TRABD2B: variants seen among roughly 807,000 people sequenced by gnomAD.
The protein encoded by TRABD2B is TraB domain containing 2B, also known as metalloprotease TIKI2.
TRABD2B carries 14 observed loss-of-function variants against 40.1 expected under a neutral mutation model. The ratio of observed to expected loss-of-function variants is 0.35; its 90% CI spans 0.23 to 0.55. TRABD2B has a LOEUF of 0.55. TRABD2B is among the 20% of genes least tolerant of loss of function. TRABD2B has a pLI of 0.90. For synonymous variants in TRABD2B, 263 were observed against 277.0 expected (o/e 0.95, Z 0.50); for missense variants, 541 against 648.6 (o/e 0.83, Z 1.80).
intron 6 of TRABD2B, among the ~76,000 whole-genome samples, chr1:47,771,823 T>C (rs889846648): frequency 6.6e-6 from 1 of 152,154 alleles, no homozygotes; most frequent in Non-Finnish European, 1.5e-5. Flanking sequence ...TTCTCTAAAC[T>C]TCCTCCAGTG....
intron 2 of TRABD2B, among the ~76,000 whole-genome samples, chr1:47,910,724 T>C (rs1570269499): frequency 6.6e-6 from 1 of 152,206 alleles, no homozygotes; most frequent in Non-Finnish European, 1.5e-5. Context: ...TCTTCCTCTA[T>C]AAAACAGAGG....
chr1:47,913,820 A>G (rs977073560), intron 2 of TRABD2B, among the ~76,000 whole-genome samples: 2 of 152,254 alleles, frequency 1.3e-5, no homozygotes, highest in Non-Finnish European at 2.9e-5. Flanking sequence ...AGGAGGGGAA[A>G]GAGCCTTCTA....
intron 2 of TRABD2B, among the ~76,000 whole-genome samples, chr1:47,841,964 G>T (rs1017776071): frequency 6.6e-6 from 1 of 151,732 alleles, no homozygotes; most frequent in Non-Finnish European, 1.5e-5. Context: ...AGTAGAGATG[G>T]GGTTTCACGA....
intron 2 of TRABD2B, among the ~76,000 whole-genome samples, chr1:47,826,729 A>G (rs777102217): frequency 2.6e-5 from 4 of 152,172 alleles, no homozygotes; most frequent in Non-Finnish European, 4.4e-5. Flanking sequence ...GCGTGCCATC[A>G]TGCCTGGCTA....
chr1:47,902,084 T>C (rs968446722), intron 2 of TRABD2B, among the ~76,000 whole-genome samples: 2 of 152,216 alleles, frequency 1.3e-5, no homozygotes, highest in Non-Finnish European at 2.9e-5. Context: ...TTACTGTTCA[T>C]GAACGGCCAA....
chr1:47,826,674 A>G (rs1346218517), intron 2 of TRABD2B, among the ~76,000 whole-genome samples: 1 of 152,130 alleles, frequency 6.6e-6, no homozygotes, highest in East Asian at 1.9e-4. Context: ...CCTGGGCTCA[A>G]GCAATCCTCC....
Position 47,977,068 on chromosome 1 carries a change from CTT to C in TRABD2B, c.666+16964_666+16965del, listed in dbSNP as rs749710731. 3.6e-4 allele frequency among the ~76,000 whole-genome samples: 49 copies of C among 136,594 alleles called. 1 individual carries two copies. Among genetic ancestry groups the C allele is most frequent in the South Asian group, 7.0e-4 (3 of 4,258 alleles). The allele number at this position is 136,594 out of a possible 152,430, so 89.6% of individuals were successfully genotyped here. ...CTTTATGCAATTTTAAGGTTTAGTC[CTT>C]TTTTTTTTTTTTTTTCCCGCGAGAC... is the stretch of plus-strand genomic sequence containing the variant. On this transcript the variant is annotated intron_variant, in intron 2 of 6. Transcript: ENST00000606738.
At chr1:47,962,239 G>A (rs975739164) in intron 2 of TRABD2B, among the ~76,000 whole-genome samples, 15 of 152,076 alleles carry the variant, frequency 9.9e-5, no homozygotes, top group African/African-American at 2.9e-4. Flanking sequence ...GGGAGGGATA[G>A]CATTAGGAGA....
intron 3 of TRABD2B, among the ~76,000 whole-genome samples, chr1:47,800,920 C>T (rs1020105698): frequency 6.6e-6 from 1 of 152,176 alleles, no homozygotes; most frequent in Non-Finnish European, 1.5e-5. Context: ...CAGCAGAGGG[C>T]ACGTTGTAAG....
At position 47,781,447 on chromosome 1, in the gene TRABD2B, C is replaced by T. The variant is rs940142098; in HGVS notation, c.989-2903G>A. Among the ~76,000 whole-genome samples the T allele has an allele frequency of 4.6e-5, 7 of 152,292 alleles. No individual in the cohort carries two copies. The South Asian group carries it at 6.2e-4, about 14-fold the overall frequency. On this transcript the variant is annotated intron_variant, in intron 4 of 6. Transcript: ENST00000606738. ...TAGAGGGCCCAGGCCTCAGCCCGGC[C>T]GATGGTGCAGGCCTCACCGGATGCC...
In TRABD2B at chr1:47,765,960, G is replaced by A. The variant is rs1489253263; in HGVS notation, c.1496C>T (p.Pro499Leu). 7.1e-6 allele frequency: 5 copies of A among 702,860 alleles called. No homozygotes were observed. In the East Asian group the frequency reaches 1.3e-4, roughly 19 times the overall value. The allele number at this position is 702,860 out of a possible 1,614,324, so 43.5% of individuals were successfully genotyped here. A position where few individuals can be genotyped will look rare whatever the true frequency, so the allele number is the denominator to read the frequency against. The part of the protein sequence containing the change: ...SSSAPTLGLL[P>L]AIATTIAVCF... ...GACAGCGATGGTGGTGGCGATGGCG[G>A]GGAGAAGGCCCAGGGTGGGTGCCGA... Residue 499 changes from proline to leucine, a missense_variant, in exon 7 of 7, where the codon CCC becomes CTC. By Grantham distance (98) the Pro-to-Leu change is moderately conservative. Around this residue, in one of 2 missense-constraint regions of TRABD2B, gnomAD observed 172 missense variants for 155.8 expected, o/e 1.10. Transcript: ENST00000606738.
At chr1:47,806,577 G>A (rs191963031) in intron 2 of TRABD2B, among the ~76,000 whole-genome samples, 1 of 152,276 alleles carries the variant, frequency 6.6e-6, no homozygotes, top group African/African-American at 2.4e-5. Flanking sequence ...CTGTGTGGAG[G>A]CCCAGCCACC....
chr1:47,771,046 C>A (rs560141793), intron 6 of TRABD2B, among the ~76,000 whole-genome samples: 1 of 152,328 alleles, frequency 6.6e-6, no homozygotes, highest in East Asian at 1.9e-4. Flanking sequence ...GATCCTGCTT[C>A]TCATTCTCAT....
At chr1:47,958,514 G>C (rs999806740) in intron 2 of TRABD2B, among the ~76,000 whole-genome samples, 1 of 131,248 alleles carries the variant, frequency 7.6e-6, no homozygotes. Flanking sequence ...GATGGATGAA[G>C]ATCTACCAAG....
At chr1:47,856,692 C>T (rs974010871) in intron 2 of TRABD2B, among the ~76,000 whole-genome samples, 5 of 152,164 alleles carry the variant, frequency 3.3e-5, no homozygotes, top group Non-Finnish European at 7.3e-5. Flanking sequence ...CCACACACAG[C>T]CTCTCATTTT....
At chr1:47,770,857 C>G (rs1644368440) in intron 6 of TRABD2B, among the ~76,000 whole-genome samples, 1 of 152,226 alleles carries the variant, frequency 6.6e-6, no homozygotes, top group South Asian at 2.1e-4. Flanking sequence ...ACCAGAGACT[C>G]TGAAAGTCAC....
At chr1:47,888,329 G>A (rs959953954) in intron 2 of TRABD2B, among the ~76,000 whole-genome samples, 6 of 152,174 alleles carry the variant, frequency 3.9e-5, no homozygotes, top group Non-Finnish European at 7.3e-5. Flanking sequence ...TAGAGCAGGG[G>A]GCTTTCTGTT....
At chr1:47,863,395 A>ATATATATATATATATATATATATAC (rs1553159688) in intron 2 of TRABD2B, among the ~76,000 whole-genome samples, 2 of 31,992 alleles carry the variant, frequency 6.3e-5, no homozygotes, top group Non-Finnish European at 1.5e-4. Flanking sequence ...TATATATATA[A>ATATATATATATATATATATATATAC]TCTCTTAAAA....
At chr1:47,888,706 G>A (rs192406404) in intron 2 of TRABD2B, among the ~76,000 whole-genome samples, 1 of 152,258 alleles carries the variant, frequency 6.6e-6, no homozygotes, top group African/African-American at 2.4e-5. Context: ...AAGGCCATGA[G>A]ACTGACTCTG....
Sources: allele counts gnomAD v4.1 joint callset (sites outside exome capture counted in the v4.1 genomes callset), GRCh38; gene constraint gnomAD v4.1.1; regional missense constraint gnomAD v4.1.1; transcripts MANE v1.5; gene names NCBI Gene and HGNC (gene_info 2026-07-23, HGNC 2026-07-21).